Variants in SCLT1 observed in about 807,000 individuals in gnomAD.
SCLT1 encodes the protein sodium channel-associated protein 1.
A neutral mutation model predicts 112.8 loss-of-function variants in SCLT1; 78 were observed. That is an observed-to-expected ratio of 0.69 (90% CI 0.58 to 0.83). The LOEUF (loss-of-function observed/expected upper bound fraction) is 0.83, where lower values mean the gene tolerates loss of function less well. SCLT1 is among the 40% of genes least tolerant of loss of function. SCLT1 has a pLI of 0.00. For synonymous variants in SCLT1, 257 were observed against 254.7 expected (o/e 1.01, Z -0.09); for missense variants, 747 against 770.4 (o/e 0.97, Z 0.36).
chr4:128,994,798 C>T (rs1039094969), intron 8 of SCLT1, among the ~76,000 whole-genome samples: 6 of 152,044 alleles, frequency 3.9e-5, no homozygotes, highest in Non-Finnish European at 7.4e-5. Flanking sequence ...TCTTCACATA[C>T]CCATTGCCTT....
intron 2 of SCLT1, among the ~76,000 whole-genome samples, chr4:129,080,859 A>G (rs1238070682): frequency 6.6e-6 from 1 of 152,202 alleles, no homozygotes; most frequent in Non-Finnish European, 1.5e-5. Flanking sequence ...TAGTTGGCTC[A>G]TAGTTCTGCA....
rs144162563 is a variant in SCLT1, at chr4:128,887,844, A to G, written c.2004+835T>C. Among the ~76,000 whole-genome samples the G allele has an allele frequency of 1.0e-3, 156 of 152,366 alleles. 1 individual carries two copies. Among genetic ancestry groups the G allele is most frequent in the African/African-American group, 3.6e-3 (151 of 41,594 alleles). The stretch of plus-strand genomic sequence containing the variant: ...ATGAAAATATGCATTAAGTAAATTA[A>G]CTTGTAAGCCAAGGAATTTTTTTCC... On this transcript the variant is annotated intron_variant, in intron 20 of 20. Coordinates refer to ENST00000281142, the MANE Select transcript of SCLT1 (RefSeq NM_144643.4).
intron 5 of SCLT1, among the ~76,000 whole-genome samples, chr4:129,032,389 G>A (rs1404783729): frequency 6.6e-6 from 1 of 151,964 alleles, no homozygotes; most frequent in Non-Finnish European, 1.5e-5. Flanking sequence ...AAAAACCCTA[G>A]AAGAAAACCC....
At chr4:128,891,224 G>A (rs1733289787) in intron 18 of SCLT1, 87 bp from the exon 19 acceptor site, 1 of 964,174 alleles carries the variant, frequency 1.0e-6, no homozygotes, top group Non-Finnish European at 1.6e-6. Flanking sequence ...TTCATGATTT[G>A]AACAAAAATA....
intron 4 of SCLT1, among the ~76,000 whole-genome samples, 190 bp downstream of exon 4, chr4:129,043,205 C>A (rs1747868594): frequency 1.3e-5 from 2 of 152,158 alleles, no homozygotes; most frequent in Non-Finnish European, 2.9e-5. Context: ...AGCCACCGCA[C>A]CCAGCTAGAA....
chr4:128,959,218 AT>A (rs1739468938), intron 12 of SCLT1, among the ~76,000 whole-genome samples: 1 of 152,192 alleles, frequency 6.6e-6, no homozygotes, highest in Non-Finnish European at 1.5e-5. Context: ...TAATAAAGTA[AT>A]TGAGTATATG....
At chr4:129,080,943 T>A (rs977672760) in intron 2 of SCLT1, among the ~76,000 whole-genome samples, 3 of 152,082 alleles carry the variant, frequency 2.0e-5, no homozygotes, top group Non-Finnish European at 4.4e-5. Context: ...TGGGAAGCCA[T>A]GGGCGGCCTC....
intron 9 of SCLT1, among the ~76,000 whole-genome samples, chr4:128,980,247 C>T (rs1355150522): frequency 6.6e-6 from 1 of 151,958 alleles, no homozygotes; most frequent in African/African-American, 2.4e-5. Flanking sequence ...ATAGAAGACA[C>T]AATATTATTT....
At chr4:129,052,703 A>T (rs1748925345) in intron 2 of SCLT1, among the ~76,000 whole-genome samples, 1 of 151,992 alleles carries the variant, frequency 6.6e-6, no homozygotes, top group Non-Finnish European at 1.5e-5. Context: ...TAATTTTTTG[A>T]AGGGTTTTTT....
intron 5 of SCLT1, among the ~76,000 whole-genome samples, chr4:129,011,583 A>AT (rs34708944): frequency 0.58 from 86,839 of 149,416 alleles, 27,922 homozygotes; most frequent in Non-Finnish European, 0.73. Flanking sequence ...ATACCTAAGC[A>AT]TTTTTTTTTT....
chr4:128,960,722 C>T (rs901911302), intron 11 of SCLT1, among the ~76,000 whole-genome samples: 1 of 151,058 alleles, frequency 6.6e-6, no homozygotes, highest in African/African-American at 2.4e-5. Flanking sequence ...AGATCGAGAC[C>T]ATCCTGGCTA....
In SCLT1 at chr4:129,038,876, A is replaced by T. The variant is rs374509181; in HGVS notation, c.290+165T>A. Among the ~76,000 whole-genome samples the T allele has an allele frequency of 8.5e-5, 13 of 152,306 alleles. No individual in the cohort carries two copies. The East Asian group carries it at 1.3e-3, about 16-fold the overall frequency. Reference sequence around the variant, plus strand: ...AAGCAGAAAGGGAAGTAACCTGTCCAGGGTCACACAGCTAACAAGTAATCG... The same window carrying T: ...AAGCAGAAAGGGAAGTAACCTGTCCTGGGTCACACAGCTAACAAGTAATCG... On this transcript the variant is annotated intron_variant, in intron 5 of 20. Coordinates refer to ENST00000281142, the MANE Select transcript of SCLT1 (RefSeq NM_144643.4).
rs1276504554 is a variant in SCLT1 at position 129,044,426 on chromosome 4, T to C, written c.103-375A>G. Among the ~76,000 whole-genome samples, 3 of 151,690 alleles carry C rather than the reference T, an allele frequency of 2.0e-5. No individual in the cohort carries two copies. The East Asian group carries it at 5.8e-4, about 29-fold the overall frequency. ...CTACCAATTATTAGAACTAGTAAGA[T>C]AATACACGAAAAGTCACCAGACAGA... On this transcript the variant is annotated intron_variant, in intron 2 of 20. Transcript: ENST00000281142.
chr4:129,004,166 A>C (rs1388622828), intron 5 of SCLT1, among the ~76,000 whole-genome samples: 1 of 152,122 alleles, frequency 6.6e-6, no homozygotes, highest in Non-Finnish European at 1.5e-5. Flanking sequence ...AAAGAGTAAA[A>C]TTCAGATATT....
At chr4:129,064,808 G>C (rs1391877692) in intron 2 of SCLT1, among the ~76,000 whole-genome samples, 1 of 152,024 alleles carries the variant, frequency 6.6e-6, no homozygotes, top group Admixed American at 6.6e-5. Flanking sequence ...ACTTTTTGTT[G>C]TTGCTTTATA....
chr4:129,050,829 G>T (rs1748711093), intron 2 of SCLT1, among the ~76,000 whole-genome samples: 1 of 152,178 alleles, frequency 6.6e-6, no homozygotes, highest in Non-Finnish European at 1.5e-5. Context: ...GAATGGTGCT[G>T]TCTAGGTTTT....
intron 20 of SCLT1, among the ~76,000 whole-genome samples, chr4:128,884,893 C>CA (rs1486804900): frequency 6.6e-6 from 1 of 152,166 alleles, no homozygotes; most frequent in East Asian, 1.9e-4. Flanking sequence ...GCAATCCACC[C>CA]ACCTTGGTCT....
intron 2 of SCLT1, among the ~76,000 whole-genome samples, chr4:129,053,335 A>G (rs975561618): frequency 3.3e-5 from 5 of 152,072 alleles, no homozygotes; most frequent in Non-Finnish European, 5.9e-5. Context: ...GGGGTGTTAA[A>G]GTCTCCCACT....
At chr4:129,055,633 C>T (rs1341525720) in intron 2 of SCLT1, among the ~76,000 whole-genome samples, 4 of 152,062 alleles carry the variant, frequency 2.6e-5, no homozygotes, top group South Asian at 2.1e-4. Context: ...CAACCAAGCT[C>T]GTTCATCCCA....
Sources: allele counts gnomAD v4.1 joint callset (sites outside exome capture counted in the v4.1 genomes callset), GRCh38; gene constraint gnomAD v4.1.1; transcripts MANE v1.5; gene names NCBI Gene and HGNC (gene_info 2026-07-23, HGNC 2026-07-21).